The following ZNF185 variants were observed in gnomAD, a reference collection of about 807,000 sequenced individuals.
ZNF185 encodes zinc finger protein 185 with LIM domain, also known as zinc finger protein 185.
Under a neutral mutation model 58.6 loss-of-function variants are expected in ZNF185, and 56 were observed. The ratio of observed to expected loss-of-function variants is 0.95; its 90% CI spans 0.77 to 1.19. The LOEUF (loss-of-function observed/expected upper bound fraction) is 1.19, where lower values mean the gene tolerates loss of function less well. ZNF185 is among the 50% of genes most tolerant of loss of function. The probability of loss-of-function intolerance (pLI) is 0.00; values close to 1 mark genes in which losing one functional copy is unlikely to be tolerated. For synonymous variants in ZNF185, 230 were observed against 215.9 expected (o/e 1.07, Z -0.57); for missense variants, 627 against 573.5 (o/e 1.09, Z -0.95).
chrX:152,915,074 G>A, intron 2 of ZNF185, 64 bp from the exon 4 acceptor site: 2 of 1,150,620 alleles, frequency 1.7e-6, no homozygotes, highest in Non-Finnish European at 2.3e-6. Flanking sequence ...TAGGATGGAG[G>A]CCACAGGATG....
Position 152,936,406 on chromosome X carries a change from C to A in ZNF185, c.1122-1668C>A, listed in dbSNP as rs782303955. 1 of 1,164,211 alleles carries A rather than the reference C, an allele frequency of 8.6e-7. No individual in the cohort carries two copies. The highest frequency in any genetic ancestry group is 3.3e-5 in the East Asian group (1 of 30,739). ...GTCCTGAACCTGGACCAGGTCTGGC[C>A]TTCTTTCACAGGCTGTGTGCAGCTG... On this transcript the variant is annotated intron_variant, in intron 14 of 22. Coordinates refer to ENST00000449285, the Ensembl canonical transcript of ZNF185.
chrX:152,910,337 A>G (rs1354966610), upstream of ZNF185, among the ~76,000 whole-genome samples: 1 of 112,501 alleles, frequency 8.9e-6, no homozygotes, highest in Admixed American at 9.4e-5. Flanking sequence ...GAAAATTAGA[A>G]ATACACAAAG....
At chrX:152,921,917 T>A (rs370942123) in intron 9 of ZNF185, among the ~76,000 whole-genome samples, 17 of 111,822 alleles carry the variant, frequency 1.5e-4, no homozygotes, top group African/African-American at 5.5e-4. Context: ...CCTGATTACA[T>A]CTGCAAAGAC....
At chrX:152,944,408 G>C (rs1407076510) in intron 15 of ZNF185, among the ~76,000 whole-genome samples, 1 of 112,520 alleles carries the variant, frequency 8.9e-6, no homozygotes, top group African/African-American at 3.2e-5. Context: ...GGATCGAGGT[G>C]ATGGCGAAGT....
At chrX:152,935,384 C>T (rs781865260) in intron 14 of ZNF185, among the ~76,000 whole-genome samples, 62 of 108,840 alleles carry the variant, frequency 5.7e-4, no homozygotes, top group Middle Eastern at 4.7e-3. Context: ...TACAGGCGCC[C>T]GCCACCACGC....
At chrX:152,919,212 C>T (rs782626867) in intron 7 of ZNF185, 131 bp downstream of exon 8, 13 of 512,703 alleles carry the variant, frequency 2.5e-5, no homozygotes, top group Middle Eastern at 5.0e-4. Context: ...CGGTAGCCCA[C>T]GGAGCATGAG....
the ZNF185 span, among the ~76,000 whole-genome samples, chrX:152,903,218 G>A: frequency 9.2e-6 from 1 of 108,115 alleles, no homozygotes; most frequent in Non-Finnish European, 1.9e-5. Context: ...GTGAAACCCC[G>A]TCTCTATCAA....
rs1938728025 is a variant in ZNF185 at position 152,917,415 on chromosome X, G to A, written c.341+53G>A. On this transcript the variant is annotated intron_variant, in intron 5 of 22. Coordinates refer to ENST00000449285, the Ensembl canonical transcript of ZNF185. ...GCCAGTGGGGAGGTGTGAGGGCCTG[G>A]TCTGGGCTCCTGGCAGAGACAGTGC... 11 of 1,168,868 alleles carry A rather than the reference G, an allele frequency of 9.4e-6. No individual in the cohort carries two copies. In the East Asian group the frequency reaches 3.0e-4, roughly 32 times the overall value.
the ZNF185 span, among the ~76,000 whole-genome samples, chrX:152,899,000 G>A: frequency 8.9e-6 from 1 of 112,295 alleles, no homozygotes; most frequent in African/African-American, 3.2e-5. Flanking sequence ...GACACGTCAA[G>A]CTGCCTCCCA....
rs139359858 is a variant in ZNF185 at position 152,931,510 on chromosome X, C to T, written c.918-162C>T. Among the ~76,000 whole-genome samples the T allele has an allele frequency of 1.9e-3, 209 of 112,644 alleles. 1 individual carries two copies. The highest frequency in any genetic ancestry group is 5.1e-3 in the African/African-American group (158 of 31,038). On this transcript the variant is annotated intron_variant, in intron 12 of 22. Transcript: ENST00000449285. ...CCTGGCTCAAGTGATCCTCTTGCCT[C>T]GGCCTCTCAAAATGCTGGGTTATAG...
At chrX:152,920,226 C>A in intron 7 of ZNF185, 102 bp from the exon 9 acceptor site, 1 of 772,182 alleles carries the variant, frequency 1.3e-6, no homozygotes, top group Non-Finnish European at 1.9e-6. Context: ...CCTTGCCTCC[C>A]TGGGGTGGCC....
At chrX:152,937,545 G>A (rs939770825) in intron 14 of ZNF185, among the ~76,000 whole-genome samples, 6 of 111,275 alleles carry the variant, frequency 5.4e-5, no homozygotes, top group South Asian at 3.8e-4. Flanking sequence ...CTAGGTTCCC[G>A]TGCACCCGCC....
intron 16 of ZNF185, among the ~76,000 whole-genome samples, chrX:152,959,022 C>G (rs2049165226): frequency 8.9e-6 from 1 of 112,633 alleles, no homozygotes; most frequent in Admixed American, 9.3e-5. Flanking sequence ...TGGGCGAGAT[C>G]GACCGTGGAG....
In ZNF185 at chrX:152,924,281, G is replaced by GT. The variant is rs782163872; in HGVS notation, c.830+1484dup. 1.6e-3 allele frequency among the ~76,000 whole-genome samples: 170 copies of GT among 105,645 alleles called. 2 individuals carry two copies. The highest frequency in any genetic ancestry group is 9.8e-3 in the Middle Eastern group (2 of 204). The allele number at this position is 105,645 out of a possible 115,157, so 91.7% of individuals were successfully genotyped here. On this transcript the variant is annotated intron_variant, in intron 11 of 22. Coordinates refer to ENST00000449285, the Ensembl canonical transcript of ZNF185. ...AGTCACAGGCCACCATACCCAGCTA[G>GT]TTTTTTTTTTTTAAATTTTTGTAGA... is the stretch of plus-strand genomic sequence containing the variant.
At chrX:152,941,088 A>G (rs2047126610) in intron 15 of ZNF185, among the ~76,000 whole-genome samples, 1 of 112,463 alleles carries the variant, frequency 8.9e-6, no homozygotes, top group African/African-American at 3.2e-5. Context: ...CAACACAACA[A>G]AAACTTCCCG....
chrX:152,930,940 T>A, intron 12 of ZNF185, among the ~76,000 whole-genome samples: 1 of 111,578 alleles, frequency 9.0e-6, no homozygotes, highest in Admixed American at 9.5e-5. Context: ...AGGGATATAG[T>A]CCAGAACTCA....
chrX:152,958,525 G>T lies in ZNF185; in HGVS notation c.1410-1174G>T, dbSNP rs1237307774. The stretch of plus-strand genomic sequence containing the variant: ...AATCCCAGCAGTTTGAGAGGCCGAG[G>T]CGGGCGGATTGCCTGAGTTCAGGAG... On this transcript the variant is annotated intron_variant, in intron 16 of 22. Transcript: ENST00000449285. Among the ~76,000 whole-genome samples the T allele has an allele frequency of 2.7e-5, 3 of 110,949 alleles. No homozygotes were observed. In the Admixed American group the frequency reaches 2.9e-4, roughly 11 times the overall value.
the ZNF185 span, among the ~76,000 whole-genome samples, chrX:152,905,047 G>A: frequency 1.8e-5 from 2 of 113,056 alleles, no homozygotes; most frequent in African/African-American, 3.2e-5. Context: ...CTCCTCGTCA[G>A]TACTCCTTCC....
chrX:152,938,748 G>T lies in ZNF185; in HGVS notation c.1211+585G>T, dbSNP rs148568923. Among the ~76,000 whole-genome samples, 17 of 109,742 alleles carry T rather than the reference G, an allele frequency of 1.5e-4. No homozygotes were observed. In the East Asian group the frequency reaches 4.2e-3, roughly 27 times the overall value. ...TCCTCACAGTCTCTCAAAGGTTTAT[G>T]CCTAATTACAACAAAACCCAAAAGC... On this transcript the variant is annotated intron_variant, in intron 15 of 22. Transcript: ENST00000449285.
Sources: gnomAD v4.1 joint callset for allele counts (sites outside exome capture counted in the v4.1 genomes callset) on GRCh38, gnomAD v4.1.1 for gene constraint, MANE v1.5 for transcripts, NCBI Gene and HGNC (gene_info 2026-07-23, HGNC 2026-07-21) for gene names.